The following GPHN variants were observed in gnomAD, a reference collection of about 807,000 sequenced individuals.
GPHN encodes the protein gephyrin.
A neutral mutation model predicts 95.5 loss-of-function variants in GPHN; 17 were observed. The ratio of observed to expected loss-of-function variants is 0.18; its 90% CI spans 0.12 to 0.27. GPHN has a LOEUF of 0.27. Among genes scored for constraint, GPHN ranks in the 10% least tolerant of loss-of-function variants. The probability of loss-of-function intolerance (pLI) is 1.00; values close to 1 mark genes in which losing one functional copy is unlikely to be tolerated. For missense variants in GPHN, 660 were observed against 978.1 expected (o/e 0.67, Z 4.34); for synonymous variants, 320 against 322.5 (o/e 0.99, Z 0.08).
At chr14:66,690,419 A>G (rs1431974155) in intron 2 of GPHN, among the ~76,000 whole-genome samples, 1 of 151,992 alleles carries the variant, frequency 6.6e-6, no homozygotes, top group African/African-American at 2.4e-5. Flanking sequence ...ATTCTTTTAG[A>G]TTTGTTGAGC....
At chr14:67,687,188 A>G in the GPHN span, among the ~76,000 whole-genome samples, 19,456 of 151,890 alleles carry the variant, frequency 0.13, 1,297 homozygotes, top group East Asian at 0.21. Flanking sequence ...CTCATTTCTC[A>G]CCTCTGCTGA....
chr14:67,199,375 G>A, the GPHN span: 13 of 1,614,016 alleles, frequency 8.1e-6, no homozygotes, highest in Non-Finnish European at 1.1e-5. Flanking sequence ...TTTTCAATGG[G>A]AACCTGGACC....
At chr14:67,347,498 C>CTT in the GPHN span, 7 of 1,292,272 alleles carry the variant, frequency 5.4e-6, no homozygotes, top group Admixed American at 6.0e-5. Context: ...CCTTTAAGTT[C>CTT]TCTCTTTTTT....
At chr14:67,183,946 T>C (rs2083355275), downstream of GPHN, among the ~76,000 whole-genome samples, 1 of 152,022 alleles carries the variant, frequency 6.6e-6, no homozygotes, top group South Asian at 2.1e-4. Flanking sequence ...TTGACCTCCC[T>C]GGGCTCAAGT....
intron 2 of GPHN, among the ~76,000 whole-genome samples, chr14:66,725,632 C>T (rs977857670): frequency 4.6e-5 from 7 of 152,014 alleles, no homozygotes; most frequent in South Asian, 2.1e-4. Context: ...TACAGGTGCA[C>T]GCCACCACGC....
chr14:66,891,654 G>A (rs560744009), intron 5 of GPHN, among the ~76,000 whole-genome samples: 104 of 152,090 alleles, frequency 6.8e-4, no homozygotes, highest in African/African-American at 2.4e-3. Context: ...GGACTTTATC[G>A]ATGTTGAAAA....
chr14:67,627,260 T>TAG, the GPHN span, among the ~76,000 whole-genome samples: 3 of 115,304 alleles, frequency 2.6e-5, no homozygotes, highest in Non-Finnish European at 6.0e-5. Flanking sequence ...TAAGGAGATA[T>TAG]ATATATATAT....
chr14:67,044,415 C>CGTTTT (rs886407090), intron 10 of GPHN, among the ~76,000 whole-genome samples: 5 of 151,898 alleles, frequency 3.3e-5, no homozygotes, highest in African/African-American at 4.8e-5. Flanking sequence ...CGTGTTTGTT[C>CGTTTT]GTTTTGTTTT....
rs1470151237 is a variant in GPHN at position 66,808,634 on chromosome 14, T to C, written c.202-15840T>C. Among the ~76,000 whole-genome samples the C allele has an allele frequency of 2.0e-5, 3 of 152,072 alleles. No individual in the cohort carries two copies. In the South Asian group the frequency reaches 6.2e-4, roughly 31 times the overall value. ...CAACATGGTGAAACCCCATCTCTAA[T>C]AAAAATACAAAAATTAGCCGTGCGT... On this transcript the variant is annotated intron_variant, in intron 3 of 22. Transcript: ENST00000478722.
At chr14:67,543,124 G>A in the GPHN span, among the ~76,000 whole-genome samples, 1 of 152,170 alleles carries the variant, frequency 6.6e-6, no homozygotes, top group African/African-American at 2.4e-5. Context: ...GTATAGTTTT[G>A]TTTATAGTAT....
rs939149824 is a variant in GPHN, at chr14:66,686,098, T to A, written c.143+4913T>A. On this transcript the variant is annotated intron_variant, in intron 2 of 22. Transcript: ENST00000478722. The stretch of plus-strand genomic sequence containing the variant: ...TTCTGAGGGCTCTGTTCTGTTCCAG[T>A]GGTCTATATCTCTGTTTTGATACCA... Among the ~76,000 whole-genome samples, 55 of 152,210 alleles carry A rather than the reference T, an allele frequency of 3.6e-4. 1 individual carries two copies. The highest frequency in any genetic ancestry group is 6.8e-4 in the Non-Finnish European group (46 of 68,036).
chr14:67,011,220 T>G (rs2072980531), intron 9 of GPHN, among the ~76,000 whole-genome samples: 1 of 152,104 alleles, frequency 6.6e-6, no homozygotes, highest in Non-Finnish European at 1.5e-5. Context: ...TTTAGGAAAC[T>G]GAACAATTGT....
At chr14:67,071,232 C>G (rs1280132306) in intron 11 of GPHN, among the ~76,000 whole-genome samples, 2 of 152,092 alleles carry the variant, frequency 1.3e-5, no homozygotes, top group East Asian at 3.9e-4. Flanking sequence ...TGGAACCAAC[C>G]CAAATGTCCA....
intron 12 of GPHN, among the ~76,000 whole-genome samples, chr14:67,096,352 G>A (rs2077393075): frequency 6.6e-6 from 1 of 152,076 alleles, no homozygotes; most frequent in Non-Finnish European, 1.5e-5. Context: ...GCTTGCCCCA[G>A]ATGACCTCCC....
the GPHN span, among the ~76,000 whole-genome samples, chr14:67,654,218 C>G: frequency 1.3e-5 from 2 of 152,168 alleles, no homozygotes; most frequent in Non-Finnish European, 2.9e-5. Context: ...GCAATAACCC[C>G]ACATGTCCCC....
intron 3 of GPHN, among the ~76,000 whole-genome samples, chr14:66,798,354 C>G (rs552418142): frequency 1.3e-5 from 2 of 151,794 alleles, no homozygotes; most frequent in Non-Finnish European, 2.9e-5. Flanking sequence ...GAAGTATTCC[C>G]TCGTCTATTT....
intron 9 of GPHN, among the ~76,000 whole-genome samples, chr14:67,016,456 A>T (rs1231589938): frequency 6.6e-6 from 1 of 152,080 alleles, no homozygotes; most frequent in Non-Finnish European, 1.5e-5. Flanking sequence ...AGGTTCTGTT[A>T]ATATTACTGT....
the GPHN span, chr14:67,279,696 TG>T: frequency 4.8e-6 from 3 of 625,592 alleles, no homozygotes; most frequent in Non-Finnish European, 7.6e-6. Flanking sequence ...GTATAACTAT[TG>T]TTTACTGTTA....
chr14:67,504,307 C>T, the GPHN span, among the ~76,000 whole-genome samples: 1 of 152,184 alleles, frequency 6.6e-6, no homozygotes, highest in African/African-American at 2.4e-5. Flanking sequence ...AGCCACCGTG[C>T]CCAGGCTCAG....
Sources: gnomAD v4.1 joint callset for allele counts (sites outside exome capture counted in the v4.1 genomes callset) on GRCh38, gnomAD v4.1.1 for gene constraint, MANE v1.5 for transcripts, NCBI Gene and HGNC (gene_info 2026-07-23, HGNC 2026-07-21) for gene names.